SP4: variants seen among roughly 807,000 people sequenced by gnomAD.
SP4 encodes transcription factor Sp4.
SP4 carries 19 observed loss-of-function variants against 72.8 expected under a neutral mutation model. That is an observed-to-expected ratio of 0.26 (90% CI 0.18 to 0.38). The LOEUF (loss-of-function observed/expected upper bound fraction) is 0.38. Ranked by LOEUF, SP4 falls within the 10% of genes least tolerant of loss-of-function variation. The pLI is 1.00. For missense variants in SP4, 1,008 were observed against 926.3 expected, an observed-to-expected ratio of 1.09 and a Z score of -1.14; for synonymous variants, 395 against 333.1, an observed-to-expected ratio of 1.19 and a Z score of -2.02.
At chr7:21,504,909 C>T (rs2128416804) in intron 5 of SP4, among the ~76,000 whole-genome samples, 1 of 152,282 alleles carries the variant, frequency 6.6e-6, no homozygotes, top group East Asian at 1.9e-4. Flanking sequence ...GAGGCAAAAG[C>T]AACAGATTCC....
rs184607604 is a variant in SP4 at position 21,480,168 on chromosome 7, T to A, written c.1908-1756T>A. 1.4e-3 allele frequency among the ~76,000 whole-genome samples: 219 copies of A among 152,308 alleles called. 1 individual carries two copies. Among genetic ancestry groups the A allele is most frequent in the Admixed American group, 4.6e-3 (70 of 15,296 alleles). ...TGGTACAATGTTGACAGTGTGCTTG[T>A]ATTTTGTTGAGGATTTTTGCATCCA... On this transcript the variant is annotated intron_variant, in intron 4 of 5. Coordinates refer to ENST00000222584, the MANE Select transcript of SP4 (RefSeq NM_003112.5).
intron 5 of SP4, among the ~76,000 whole-genome samples, chr7:21,497,438 C>A (rs1781742949): frequency 6.6e-6 from 1 of 152,222 alleles, no homozygotes; most frequent in Non-Finnish European, 1.5e-5. Context: ...TAAACACTTC[C>A]ATGGATTGCT....
intron 5 of SP4, among the ~76,000 whole-genome samples, chr7:21,492,356 T>G (rs1785001181): frequency 6.6e-6 from 1 of 152,214 alleles, no homozygotes; most frequent in Non-Finnish European, 1.5e-5. Context: ...CTAAACAACA[T>G]TCAAATATAG....
rs1782773592 is a variant in SP4, at chr7:21,429,848, C to G, written c.683C>G (p.Thr228Arg). The G allele has an allele frequency of 1.9e-6, 3 of 1,614,208 alleles. No homozygotes were observed. Among genetic ancestry groups the G allele is most frequent in the Non-Finnish European group, 2.5e-6 (3 of 1,180,034 alleles). ...CTTGCTCAAAACCTGGCAAATCAGA[C>G]AGTTCCGGTCCAAATTAGACCTGGT... ...NILAQNLANQTVPVQIRPGVS... is the reference protein window; with the variant it reads ...NILAQNLANQRVPVQIRPGVS... The change falls in exon 3 of 6, where the codon ACA becomes AGA. Residue 228 changes from threonine (T) to arginine (R), a missense_variant. Thr to Arg is a moderately conservative substitution (Grantham distance 71, BLOSUM62 -1). Coordinates refer to ENST00000222584, the MANE Select transcript of SP4 (RefSeq NM_003112.5).
At chr7:21,507,238 G>C (rs1344301975) in intron 5 of SP4, among the ~76,000 whole-genome samples, 5 of 152,182 alleles carry the variant, frequency 3.3e-5, no homozygotes, top group Non-Finnish European at 5.9e-5. Context: ...CATTTACAAA[G>C]CCAGTCTCTC....
At chr7:21,439,326 T>A (rs920463695) in intron 3 of SP4, among the ~76,000 whole-genome samples, 32 of 148,088 alleles carry the variant, frequency 2.2e-4, no homozygotes, top group African/African-American at 7.0e-4. Context: ...CCTTTTTTTT[T>A]AAGTTATTTA....
At chr7:21,441,468 A>G (rs1037490588) in intron 3 of SP4, among the ~76,000 whole-genome samples, 1 of 152,222 alleles carries the variant, frequency 6.6e-6, no homozygotes, top group African/African-American at 2.4e-5. Context: ...TTTTTGAACC[A>G]TTTCCTAACA....
Position 21,430,768 on chromosome 7 carries a change from A to G in SP4, c.1603A>G (p.Thr535Ala). 2 of 1,614,220 alleles carry G rather than the reference A, an allele frequency of 1.2e-6. No individual in the cohort carries two copies. Among genetic ancestry groups the G allele is most frequent in the Non-Finnish European group, 1.7e-6 (2 of 1,180,046 alleles). The change falls in exon 3 of 6, where the codon ACA becomes GCA. Residue 535 changes from threonine to alanine, a missense_variant. Coordinates refer to ENST00000222584, the MANE Select transcript of SP4 (RefSeq NM_003112.5). The part of the protein sequence containing the change: ...AQLASVPNLQ[T>A]VSVANLGAAG... ...GCTTGCATCAGTGCCTAACCTTCAG[A>G]CAGTGAGCGTTGCCAACCTGGGTGC...
intron 3 of SP4, among the ~76,000 whole-genome samples, chr7:21,475,217 C>T (rs1188083987): frequency 1.3e-5 from 2 of 151,634 alleles, no homozygotes; most frequent in East Asian, 1.9e-4. Flanking sequence ...CGGGTTCAAG[C>T]GATTCTGCTG....
chr7:21,442,201 G>A (rs1250934131), intron 3 of SP4, among the ~76,000 whole-genome samples: 1 of 151,836 alleles, frequency 6.6e-6, no homozygotes, highest in Non-Finnish European at 1.5e-5. Context: ...ACCACGCCCA[G>A]CCAATTTTTG....
intron 3 of SP4, among the ~76,000 whole-genome samples, chr7:21,461,396 A>G (rs1460239842): frequency 1.3e-5 from 2 of 152,188 alleles, no homozygotes; most frequent in Non-Finnish European, 2.9e-5. Flanking sequence ...GAGGCAGCTA[A>G]GGCCTGGCGA....
At chr7:21,460,182 T>G (rs747005481) in intron 3 of SP4, among the ~76,000 whole-genome samples, 4 of 152,188 alleles carry the variant, frequency 2.6e-5, no homozygotes, top group Non-Finnish European at 5.9e-5. Flanking sequence ...TCTCAATGAC[T>G]TCCAAGAATG....
intron 3 of SP4, among the ~76,000 whole-genome samples, chr7:21,464,809 A>G (rs17144465): frequency 0.15 from 22,676 of 152,136 alleles, 3,186 homozygotes; most frequent in East Asian, 0.62. Flanking sequence ...AAAGTTGGTG[A>G]TAGAGGCTAT....
chr7:21,440,095 C>T (rs777211026), intron 3 of SP4, among the ~76,000 whole-genome samples: 6 of 152,160 alleles, frequency 3.9e-5, no homozygotes, highest in Non-Finnish European at 8.8e-5. Flanking sequence ...ACCACATGTA[C>T]TTAGAGGCTT....
chr7:21,447,061 C>T (rs1457493692), intron 3 of SP4, among the ~76,000 whole-genome samples: 1 of 152,178 alleles, frequency 6.6e-6, no homozygotes, highest in African/African-American at 2.4e-5. Flanking sequence ...TCCCTAAACC[C>T]TTGGGCATGT....
At position 21,430,805 on chromosome 7, in the gene SP4, A is replaced by C; in HGVS notation, c.1640A>C (p.Gln547Pro). Residue 547 changes from glutamine (Q) to proline (P), a missense_variant, in exon 3 of 6, where the codon CAA (glutamine) becomes CCA (proline). By Grantham distance (76) the Gln-to-Pro change is moderately conservative. Transcript: ENST00000222584. ...SVANLGAAGV[Q>P]VQGVPVTITS... ...GCCAACCTGGGTGCTGCAGGTGTTC[A>C]AGTGCAGGGAGTTCCCGTTACAATC... 6.2e-7 allele frequency: 1 copy of C among 1,613,842 alleles called. No individual in the cohort carries two copies. Among genetic ancestry groups the C allele is most frequent in the East Asian group, 2.2e-5 (1 of 44,878 alleles).
At chr7:21,474,875 A>C (rs1779899793) in intron 3 of SP4, among the ~76,000 whole-genome samples, 1 of 152,160 alleles carries the variant, frequency 6.6e-6, no homozygotes, top group East Asian at 1.9e-4. Flanking sequence ...TGACAAAATA[A>C]ATTTTTTAAT....
At chr7:21,434,904 CAA>C (rs932928941) in intron 3 of SP4, among the ~76,000 whole-genome samples, 1 of 151,796 alleles carries the variant, frequency 6.6e-6, no homozygotes, top group Non-Finnish European at 1.5e-5. Context: ...ACTTTAAGCT[CAA>C]AGACAACTAA....
chr7:21,446,421 G>A (rs1240416164), intron 3 of SP4, among the ~76,000 whole-genome samples: 1 of 152,008 alleles, frequency 6.6e-6, no homozygotes, highest in East Asian at 1.9e-4. Context: ...GGTTTGTGAT[G>A]AGCAGAGTGT....
Sources: gnomAD v4.1 joint callset for allele counts (sites outside exome capture counted in the v4.1 genomes callset) on GRCh38, gnomAD v4.1.1 for gene constraint, MANE v1.5 for transcripts, NCBI Gene and HGNC (gene_info 2026-07-23, HGNC 2026-07-21) for gene names.